The following NCAM1 variants were observed in gnomAD, a reference collection of about 807,000 sequenced individuals.
NCAM1 encodes antigen recognized by monoclonal antibody 5.1H11.
In NCAM1, 14 loss-of-function variants were observed where a neutral mutation model predicts 109.8. The ratio of observed to expected loss-of-function variants is 0.13; its 90% CI spans 0.08 to 0.20. The LOEUF is 0.20. NCAM1 is among the 10% of genes least tolerant of loss of function. The pLI is 1.00. For synonymous variants in NCAM1, 418 were observed against 442.9 expected, an observed-to-expected ratio of 0.94 and a Z score of 0.70; for missense variants, 774 against 1,109.9, an observed-to-expected ratio of 0.70 and a Z score of 4.30.
chr11:113,052,815 G>A (rs781932269), intron 1 of NCAM1, among the ~76,000 whole-genome samples: 1 of 152,116 alleles, frequency 6.6e-6, no homozygotes, highest in Non-Finnish European at 1.5e-5. Flanking sequence ...AGCCCAGCAT[G>A]CACTAGCTAT....
chr11:113,100,460 C>G (rs1280767682), intron 1 of NCAM1, among the ~76,000 whole-genome samples: 3 of 152,140 alleles, frequency 2.0e-5, no homozygotes, highest in Admixed American at 1.3e-4. Context: ...GGGTCCTTGT[C>G]TGGCATCCAG....
intron 7 of NCAM1, among the ~76,000 whole-genome samples, chr11:113,213,370 CA>C (rs1944440588): frequency 6.6e-6 from 1 of 152,162 alleles, no homozygotes; most frequent in Non-Finnish European, 1.5e-5. Flanking sequence ...TGGGAAAATT[CA>C]ATTTTCTCTA....
intron 1 of NCAM1, among the ~76,000 whole-genome samples, chr11:112,977,695 C>A (rs782634606): frequency 2.6e-5 from 4 of 151,782 alleles, no homozygotes; most frequent in Admixed American, 2.0e-4. Flanking sequence ...AGAGCTACAG[C>A]GCTTGGTGTT....
At chr11:113,236,441 C>T (rs1190842531) in intron 14 of NCAM1, 3 of 1,008,472 alleles carry the variant, frequency 3.0e-6, no homozygotes, top group Non-Finnish European at 3.1e-6. Context: ...TTGTCTGGGC[C>T]CTAACCACAC....
intron 1 of NCAM1, among the ~76,000 whole-genome samples, chr11:113,157,349 A>C (rs2136319268): frequency 6.6e-6 from 1 of 152,346 alleles, no homozygotes; most frequent in African/African-American, 2.4e-5. Flanking sequence ...AAAATGTTCA[A>C]GGTTTATTCC....
chr11:113,073,328 C>A (rs11214475), intron 1 of NCAM1, among the ~76,000 whole-genome samples: 1 of 152,078 alleles, frequency 6.6e-6, no homozygotes, highest in Non-Finnish European at 1.5e-5. Flanking sequence ...AAAAACACAT[C>A]TGTCTTCCAC....
chr11:113,100,843 G>T (rs1343499963), intron 1 of NCAM1, among the ~76,000 whole-genome samples: 1 of 152,098 alleles, frequency 6.6e-6, no homozygotes, highest in South Asian at 2.1e-4. Flanking sequence ...CTTGTGAGTG[G>T]GGCTTTTGCG....
At chr11:112,974,443 A>G (rs978465921) in intron 1 of NCAM1, among the ~76,000 whole-genome samples, 1 of 152,018 alleles carries the variant, frequency 6.6e-6, no homozygotes, top group Non-Finnish European at 1.5e-5. Flanking sequence ...ACACTGAAAG[A>G]CTGTGCAGAA....
chr11:113,146,084 A>G (rs1942007542), intron 1 of NCAM1, among the ~76,000 whole-genome samples: 1 of 152,232 alleles, frequency 6.6e-6, no homozygotes, highest in South Asian at 2.1e-4. Context: ...TTATAGCTCT[A>G]CCTACTTCAA....
intron 1 of NCAM1, among the ~76,000 whole-genome samples, chr11:113,044,076 C>T (rs182778694): frequency 1.1e-3 from 164 of 151,690 alleles, no homozygotes; most frequent in African/African-American, 3.8e-3. Context: ...GGAAATAAAA[C>T]TTTGCTGGGT....
At chr11:112,999,665 A>C (rs1951692111) in intron 1 of NCAM1, among the ~76,000 whole-genome samples, 2 of 152,152 alleles carry the variant, frequency 1.3e-5, no homozygotes. Flanking sequence ...ATTATAAATT[A>C]CAGCTTTAGA....
intron 1 of NCAM1, among the ~76,000 whole-genome samples, chr11:113,024,514 C>T (rs1393783858): frequency 1.3e-5 from 2 of 152,094 alleles, no homozygotes. Flanking sequence ...GAGGTTAGTA[C>T]CAGCTAATGT....
intron 1 of NCAM1, among the ~76,000 whole-genome samples, chr11:113,129,556 A>G (rs1161014726): frequency 2.6e-5 from 4 of 152,170 alleles, no homozygotes; most frequent in Non-Finnish European, 4.4e-5. Flanking sequence ...GAACACAGGG[A>G]TGAACTTGGT....
chr11:113,000,536 G>A (rs1447689650), intron 1 of NCAM1, among the ~76,000 whole-genome samples: 1 of 152,038 alleles, frequency 6.6e-6, no homozygotes, highest in African/African-American at 2.4e-5. Context: ...CGAGATGCAG[G>A]CTGTATAATG....
At chr11:113,017,635 T>TTGTGTGTGTGTGTGTGTGTGTGTGTGTG (rs71698389) in intron 1 of NCAM1, among the ~76,000 whole-genome samples, 2,859 of 145,128 alleles carry the variant, frequency 0.02, 56 homozygotes, top group African/African-American at 0.046. Flanking sequence ...CAGTACTGTT[T>TTGTGTGTGTGTGTGTGTGTGTGTGTGTG]TGTGTGTGTG....
intron 1 of NCAM1, among the ~76,000 whole-genome samples, chr11:113,157,320 G>A (rs543115711): frequency 6.6e-6 from 1 of 152,316 alleles, no homozygotes; most frequent in East Asian, 1.9e-4. Flanking sequence ...CTGTTGAGCA[G>A]ATGCACACAT....
At position 113,092,932 on chromosome 11, in the gene NCAM1, A is replaced by G. The variant is rs1022848945; in HGVS notation, c.53-109447A>G. 5.3e-5 allele frequency among the ~76,000 whole-genome samples: 8 copies of G among 152,234 alleles called. 1 individual carries two copies. On this transcript the variant is annotated intron_variant, in intron 1 of 19. Coordinates refer to ENST00000316851, the MANE Select transcript of NCAM1 (RefSeq NM_181351.5). ...ACAAAATACTAGCATTAAATGCTGA[A>G]TATGAAAATACTAAATGCTAAAAGA...
At position 113,277,000 on chromosome 11, in the gene NCAM1, G is replaced by A. The variant is rs941571311; in HGVS notation, c.*1613G>A. The A allele has an allele frequency of 1.4e-5, 3 of 222,098 alleles. No homozygotes were observed. The highest frequency in any genetic ancestry group is 2.6e-5 in the Non-Finnish European group (3 of 113,920). 13.8% of individuals were successfully genotyped at this position (222,098 alleles called of 1,614,324 possible). A position where few individuals can be genotyped will look rare whatever the true frequency, so the allele number is the denominator to read the frequency against. ...AATAAAACTTCAACATAGTTTGGTT[G>A]TGGAAGGTATAGCAGATAGTTCAGA... On this transcript the variant is annotated 3_prime_UTR_variant, in exon 20 of 20. Coordinates refer to ENST00000316851, the MANE Select transcript of NCAM1 (RefSeq NM_181351.5).
At chr11:113,009,403 C>A (rs1301005428) in intron 1 of NCAM1, among the ~76,000 whole-genome samples, 3 of 145,860 alleles carry the variant, frequency 2.1e-5, no homozygotes, top group African/African-American at 7.6e-5. Flanking sequence ...TGGCTCACTG[C>A]AGCCTCAACG....
Sources: allele counts gnomAD v4.1 joint callset (sites outside exome capture counted in the v4.1 genomes callset), GRCh38; gene constraint gnomAD v4.1.1; transcripts MANE v1.5; gene names NCBI Gene and HGNC (gene_info 2026-07-23, HGNC 2026-07-21).